The following PDS5A variants were observed in gnomAD, a reference collection of about 807,000 sequenced individuals.
PDS5A encodes the protein sister chromatid cohesion protein PDS5 homolog A.
PDS5A carries 42 observed loss-of-function variants against 167.1 expected under a neutral mutation model. The ratio of observed to expected loss-of-function variants is 0.25; its 90% CI spans 0.20 to 0.33. PDS5A has a LOEUF of 0.33. PDS5A is among the 10% of genes least tolerant of loss of function. The pLI is 1.00. For missense variants in PDS5A, 1,033 were observed against 1,605.9 expected (o/e 0.64, Z 6.10); for synonymous variants, 553 against 554.6 (o/e 1.00, Z 0.04).
chr4:39,856,533 C>T (rs977572995), intron 26 of PDS5A, among the ~76,000 whole-genome samples: 1 of 152,134 alleles, frequency 6.6e-6, no homozygotes, highest in Non-Finnish European at 1.5e-5. Context: ...AAGGAAAATG[C>T]GGCTGGGTGC....
chr4:39,865,946 G>C (rs545867407), intron 23 of PDS5A, among the ~76,000 whole-genome samples: 2 of 152,184 alleles, frequency 1.3e-5, no homozygotes, highest in Non-Finnish European at 2.9e-5. Flanking sequence ...ATGAAAAACT[G>C]AGCTTCTATT....
intron 2 of PDS5A, among the ~76,000 whole-genome samples, chr4:39,941,136 T>TA (rs1340054284): frequency 7.2e-5 from 11 of 152,354 alleles, no homozygotes; most frequent in Admixed American, 3.3e-4. Context: ...CAATTTTTCT[T>TA]ACATTTTACT....
intron 23 of PDS5A, among the ~76,000 whole-genome samples, chr4:39,865,806 A>G (rs1719394818): frequency 6.6e-6 from 1 of 152,168 alleles, no homozygotes; most frequent in South Asian, 2.1e-4. Flanking sequence ...CAGCCTCATA[A>G]AGAATGATTA....
chr4:39,860,645 T>C (rs1253100491), intron 26 of PDS5A, among the ~76,000 whole-genome samples: 1 of 151,992 alleles, frequency 6.6e-6, no homozygotes, highest in African/African-American at 2.4e-5. Flanking sequence ...CAATGAAAAA[T>C]TACTCATCCA....
intron 2 of PDS5A, among the ~76,000 whole-genome samples, chr4:39,931,499 G>T (rs1012164583): frequency 3.9e-5 from 6 of 152,138 alleles, no homozygotes; most frequent in Non-Finnish European, 8.8e-5. Context: ...TTGACTGGGC[G>T]TGGAGGGTGT....
At chr4:39,849,147 C>A (rs1717895330) in intron 27 of PDS5A, among the ~76,000 whole-genome samples, 177 bp from the exon 28 acceptor site, 1 of 152,050 alleles carries the variant, frequency 6.6e-6, no homozygotes, top group Non-Finnish European at 1.5e-5. Context: ...AAATAAAAAT[C>A]CCTCTATATG....
chr4:39,883,910 G>C (rs776513868), intron 17 of PDS5A, among the ~76,000 whole-genome samples: 1 of 148,772 alleles, frequency 6.7e-6, no homozygotes, highest in Non-Finnish European at 1.5e-5. Flanking sequence ...GATTTCTGGC[G>C]TGAGTCACCA....
At chr4:39,964,058 C>T (rs1729751406) in intron 2 of PDS5A, among the ~76,000 whole-genome samples, 1 of 150,026 alleles carries the variant, frequency 6.7e-6, no homozygotes, top group African/African-American at 2.4e-5. Context: ...AATTGATTAA[C>T]ATACAGAATT....
intron 26 of PDS5A, among the ~76,000 whole-genome samples, chr4:39,857,653 A>T (rs1718647855): frequency 6.6e-6 from 1 of 152,190 alleles, no homozygotes; most frequent in Non-Finnish European, 1.5e-5. Context: ...AGGTAAGAAG[A>T]GACCACAAAG....
intron 2 of PDS5A, among the ~76,000 whole-genome samples, chr4:39,929,153 T>C (rs1274093020): frequency 6.6e-6 from 1 of 152,120 alleles, no homozygotes; most frequent in Non-Finnish European, 1.5e-5. Context: ...TTACTTAATC[T>C]GTGTGATGGT....
In PDS5A at chr4:39,845,897, A is replaced by G; in HGVS notation, c.3340-17T>C. The G allele has an allele frequency of 7.5e-7, 1 of 1,327,322 alleles. No homozygotes were observed. Among genetic ancestry groups the G allele is most frequent in the South Asian group, 1.8e-5 (1 of 54,848 alleles). The allele number at this position is 1,327,322 out of a possible 1,614,324, so 82.2% of individuals were successfully genotyped here. A position where few individuals can be genotyped will look rare whatever the true frequency, so the allele number is the denominator to read the frequency against. ...ACAGAAGTCCTATTAAAAAAAAAAAAGAAAAAGAAAAAAGAAACACCAATC... is the reference window on the plus strand; with the variant it reads ...ACAGAAGTCCTATTAAAAAAAAAAAGGAAAAAGAAAAAAGAAACACCAATC... On this transcript the variant is annotated splice_polypyrimidine_tract_variant and intron_variant, in intron 28 of 32. Coordinates refer to ENST00000303538, the MANE Select transcript of PDS5A (RefSeq NM_001100399.2).
chr4:39,936,166 C>T (rs1726581162), intron 2 of PDS5A, among the ~76,000 whole-genome samples: 1 of 152,184 alleles, frequency 6.6e-6, no homozygotes. Flanking sequence ...TATGTCAAAA[C>T]TTGTCAGGTT....
At chr4:39,970,034 A>C (rs1232437772) in intron 2 of PDS5A, among the ~76,000 whole-genome samples, 2 of 150,714 alleles carry the variant, frequency 1.3e-5, no homozygotes, top group African/African-American at 4.9e-5. Flanking sequence ...TCTCGGCTCC[A>C]AGAAAAAGGG....
intron 2 of PDS5A, among the ~76,000 whole-genome samples, chr4:39,943,620 CAAAAA>C (rs67431661): frequency 1.8e-5 from 2 of 109,806 alleles, no homozygotes; most frequent in African/African-American, 3.6e-5. Context: ...CCCGTTTCTA[CAAAAA>C]AAAAAAAAAA....
chr4:39,947,325 T>C (rs1206776095), intron 2 of PDS5A, among the ~76,000 whole-genome samples: 1 of 151,986 alleles, frequency 6.6e-6, no homozygotes, highest in Non-Finnish European at 1.5e-5. Flanking sequence ...GATGGTGGCA[T>C]GTGCCTGTAC....
chr4:39,930,620 G>T (rs1165666191), intron 2 of PDS5A, among the ~76,000 whole-genome samples: 1 of 152,012 alleles, frequency 6.6e-6, no homozygotes, highest in African/African-American at 2.4e-5. Flanking sequence ...GTAATTATAT[G>T]AAAGAAACTG....
chr4:39,896,870 T>C (rs1722460445), intron 16 of PDS5A, among the ~76,000 whole-genome samples: 1 of 151,822 alleles, frequency 6.6e-6, no homozygotes, highest in Non-Finnish European at 1.5e-5. Context: ...AAGATGTCAC[T>C]AGGTGATAGG....
At chr4:39,935,660 T>C (rs1362441573) in intron 2 of PDS5A, among the ~76,000 whole-genome samples, 1 of 152,234 alleles carries the variant, frequency 6.6e-6, no homozygotes. Context: ...CACATAGCTT[T>C]GATTACTGTA....
chr4:39,957,349 A>G (rs1474816347), intron 2 of PDS5A, among the ~76,000 whole-genome samples: 1 of 151,998 alleles, frequency 6.6e-6, no homozygotes. Flanking sequence ...AGCATACACT[A>G]AGTGATTTTT....
Sources: gnomAD v4.1 joint callset for allele counts (sites outside exome capture counted in the v4.1 genomes callset) on GRCh38, gnomAD v4.1.1 for gene constraint, MANE v1.5 for transcripts, NCBI Gene and HGNC (gene_info 2026-07-23, HGNC 2026-07-21) for gene names.